Variants in FCHO2 observed in about 807,000 individuals in gnomAD.
The protein encoded by FCHO2 is F-BAR domain only protein 2.
A neutral mutation model predicts 114.1 loss-of-function variants in FCHO2; 43 were observed. That is an observed-to-expected ratio of 0.38 (90% CI 0.30 to 0.49). The LOEUF (loss-of-function observed/expected upper bound fraction) is 0.49. Among genes scored for constraint, FCHO2 ranks in the 20% least tolerant of loss-of-function variants. FCHO2 has a pLI of 0.97. For synonymous variants in FCHO2, 293 were observed against 315.2 expected, an observed-to-expected ratio of 0.93 and a Z score of 0.75; for missense variants, 807 against 950.4, an observed-to-expected ratio of 0.85 and a Z score of 1.98.
In FCHO2 at chr5:73,014,896, G is replaced by T. The variant is rs1755217457; in HGVS notation, c.601-730G>T. Reference sequence around the variant, plus strand: ...GATCGAGACTTTCCTGGCTAACACGGTGAAACCCGTCTCTACTAAAAATAC... The same window carrying T: ...GATCGAGACTTTCCTGGCTAACACGTTGAAACCCGTCTCTACTAAAAATAC... On this transcript the variant is annotated intron_variant, in intron 6 of 25. Transcript: ENST00000430046. Among the ~76,000 whole-genome samples the T allele has an allele frequency of 5.3e-5, 8 of 151,752 alleles. 1 individual carries two copies. In the South Asian group the frequency reaches 1.7e-3, roughly 32 times the overall value.
Position 73,006,440 on chromosome 5 carries a change from T to G in FCHO2, c.496-5T>G. The stretch of plus-strand genomic sequence containing the variant: ...TTAAAAGTTTTTTATTTTATTTTAT[T>G]ACAGGCAGCTGTTAAATCTAAGAAA... On this transcript the variant is annotated splice_region_variant and splice_polypyrimidine_tract_variant and intron_variant, in intron 5 of 25. Transcript: ENST00000430046. 2.0e-6 allele frequency: 3 copies of G among 1,488,640 alleles called. No individual in the cohort carries two copies. Among genetic ancestry groups the G allele is most frequent in the Non-Finnish European group, 2.7e-6 (3 of 1,124,696 alleles). The allele number at this position is 1,488,640 out of a possible 1,614,324, so 92.2% of individuals were successfully genotyped here.
chr5:73,062,962 A>G (rs6875819), intron 17 of FCHO2, among the ~76,000 whole-genome samples: 45,286 of 151,978 alleles, frequency 0.3, 6,979 homozygotes, highest in East Asian at 0.44. Context: ...CAGTCTCTGA[A>G]TTATAGCCTG....
chr5:73,063,753 C>A lies in FCHO2; in HGVS notation c.1346-88C>A, dbSNP rs562374728. 12 of 1,234,184 alleles carry A rather than the reference C, an allele frequency of 9.7e-6. No individual in the cohort carries two copies. The East Asian group carries it at 1.5e-4, about 16-fold the overall frequency. 76.5% of individuals were successfully genotyped at this position (1,234,184 alleles called of 1,614,324 possible). A position where few individuals can be genotyped will look rare whatever the true frequency, so the allele number is the denominator to read the frequency against. ...CTCCTGAAAAATGAGCTTTGATTAC[C>A]AAAAGTTTCTTTATAATAGAATGTC... On this transcript the variant is annotated intron_variant, in intron 17 of 25. Transcript: ENST00000430046.
intron 9 of FCHO2, 77 bp downstream of exon 9, chr5:73,034,778 G>A (rs1756414449): frequency 2.5e-6 from 3 of 1,197,866 alleles, no homozygotes; most frequent in South Asian, 1.7e-5. Flanking sequence ...AAATAAGGAG[G>A]GACTGCTATC....
At chr5:72,980,850 A>T (rs1221356647) in intron 2 of FCHO2, among the ~76,000 whole-genome samples, 2 of 152,086 alleles carry the variant, frequency 1.3e-5, no homozygotes, top group African/African-American at 2.4e-5. Flanking sequence ...TGCATGTGAG[A>T]TGGGTGTCCT....
At chr5:73,057,164 G>A (rs1226739813) in intron 16 of FCHO2, among the ~76,000 whole-genome samples, 1 of 151,712 alleles carries the variant, frequency 6.6e-6, no homozygotes, top group East Asian at 1.9e-4. Flanking sequence ...CGAACTCCTG[G>A]ACTCAGACTC....
intron 1 of FCHO2, among the ~76,000 whole-genome samples, chr5:72,964,022 T>C (rs1752042815): frequency 6.6e-6 from 1 of 151,086 alleles, no homozygotes; most frequent in South Asian, 2.1e-4. Flanking sequence ...TAGGCATAGA[T>C]TGAAGAGCTG....
chr5:73,078,247 C>A lies in FCHO2; in HGVS notation c.1915C>A (p.Leu639Ile). 6.3e-7 allele frequency: 1 copy of A among 1,592,676 alleles called. No individual in the cohort carries two copies. The highest frequency in any genetic ancestry group is 8.6e-7 in the Non-Finnish European group (1 of 1,169,012). ...GAACATGCAAGCTGTTACAGTCTACCTCAAGAAGCTGTCAGAGCAAAATCC... is the reference window on the plus strand; with the variant it reads ...GAACATGCAAGCTGTTACAGTCTACATCAAGAAGCTGTCAGAGCAAAATCC... ...WMNMQAVTVY[L>I]KKLSEQNPAA... The change falls in exon 22 of 26, where the codon CTC (leucine) becomes ATC (isoleucine). Residue 639 changes from leucine (L) to isoleucine (I), a missense_variant. By Grantham distance (5) the Leu-to-Ile change is conservative. Transcript: ENST00000430046.
chr5:73,020,617 A>AGGTGGGGTTGGT (rs1383530831), intron 8 of FCHO2: 2 of 743,290 alleles, frequency 2.7e-6, no homozygotes, highest in Non-Finnish European at 4.8e-6. Context: ...GATGGGTTGG[A>AGGTGGGGTTGGT]GGTGGGGTTG....
At chr5:73,086,714 C>A (rs928459965) in intron 24 of FCHO2, among the ~76,000 whole-genome samples, 1 of 152,120 alleles carries the variant, frequency 6.6e-6, no homozygotes, top group Non-Finnish European at 1.5e-5. Context: ...CTGAAATGTT[C>A]TTGTCTTCCT....
rs374832976 is a variant in FCHO2, at chr5:73,041,206, T to G, written c.915-85T>G. ...TGTAGAGTTTAAATAAAAGCTATAT[T>G]TAAGTACCAAAGTAAATACTTTAAA... On this transcript the variant is annotated intron_variant, in intron 10 of 25. Coordinates refer to ENST00000430046, the MANE Select transcript of FCHO2 (RefSeq NM_138782.3). 4.5e-5 allele frequency: 38 copies of G among 842,216 alleles called. No homozygotes were observed. The East Asian group carries it at 9.6e-4, about 21-fold the overall frequency. The allele number at this position is 842,216 out of a possible 1,614,324, so 52.2% of individuals were successfully genotyped here.
In FCHO2 at chr5:72,967,780, C is replaced by T. The variant is rs187208088; in HGVS notation, c.34-718C>T. ...GATTATGGGTGCATGCCACCATGCC[C>T]GGCTAATTTTTGTATTTTTAGCTGA... On this transcript the variant is annotated intron_variant, in intron 1 of 25. Coordinates refer to ENST00000430046, the MANE Select transcript of FCHO2 (RefSeq NM_138782.3). Among the ~76,000 whole-genome samples the T allele has an allele frequency of 7.9e-5, 12 of 152,050 alleles. No homozygotes were observed. The East Asian group carries it at 9.7e-4, about 12-fold the overall frequency.
intron 5 of FCHO2, among the ~76,000 whole-genome samples, chr5:73,000,558 T>C (rs62362160): frequency 0.3 from 44,656 of 149,236 alleles, 6,863 homozygotes; most frequent in East Asian, 0.44. Context: ...GGCGGATCAC[T>C]TGAGATTGGG....
chr5:73,003,071 TATC>T (rs1754531931), intron 5 of FCHO2, among the ~76,000 whole-genome samples: 2 of 152,186 alleles, frequency 1.3e-5, no homozygotes, highest in Non-Finnish European at 2.9e-5. Flanking sequence ...GTGGTGGTAT[TATC>T]ATAGCTCACT....
At chr5:72,965,094 G>C (rs1752122723) in intron 1 of FCHO2, among the ~76,000 whole-genome samples, 1 of 152,070 alleles carries the variant, frequency 6.6e-6, no homozygotes, top group Admixed American at 6.6e-5. Context: ...TGGGGGTTTT[G>C]AAACATATCC....
At chr5:73,052,609 T>G in intron 13 of FCHO2, 102 bp downstream of exon 13, 1 of 923,234 alleles carries the variant, frequency 1.1e-6, no homozygotes, top group Non-Finnish European at 1.6e-6. Context: ...GCATGTTGAC[T>G]GAGGAAATAC....
At position 73,017,216 on chromosome 5, in the gene FCHO2, A is replaced by G. The variant is rs375505806; in HGVS notation, c.704A>G (p.His235Arg). The G allele has an allele frequency of 6.6e-6, 10 of 1,518,192 alleles. No homozygotes were observed. The African/African-American group carries it at 7.0e-5, about 11-fold the overall frequency. The allele number at this position is 1,518,192 out of a possible 1,614,324, so 94.0% of individuals were successfully genotyped here. ...ATCTTTATTTCATTTTAATAGGTCC[A>G]TGAAGAATTTATAAATAACATGGCT... Reference protein sequence around the residue: ...KEIHLQIGQVHEEFINNMANT... With the variant: ...KEIHLQIGQVREEFINNMANT... The change falls in exon 8 of 26, where the codon CAT becomes CGT. Residue 235 changes from histidine to arginine, a missense_variant. Transcript: ENST00000430046.
At chr5:72,979,542 C>CTAAT (rs1753079636) in intron 2 of FCHO2, among the ~76,000 whole-genome samples, 3 of 150,228 alleles carry the variant, frequency 2.0e-5, no homozygotes, top group African/African-American at 7.3e-5. Context: ...CAGGCGCCCG[C>CTAAT]TACCACGCCC....
chr5:73,040,739 G>A (rs1463050428), intron 10 of FCHO2, among the ~76,000 whole-genome samples: 1 of 152,076 alleles, frequency 6.6e-6, no homozygotes, highest in Non-Finnish European at 1.5e-5. Flanking sequence ...GAAAAAACTA[G>A]CTTTAACTTT....
Sources: allele counts gnomAD v4.1 joint callset (sites outside exome capture counted in the v4.1 genomes callset), GRCh38; gene constraint gnomAD v4.1.1; transcripts MANE v1.5; gene names NCBI Gene and HGNC (gene_info 2026-07-23, HGNC 2026-07-21).